FMNL2: variants seen among roughly 807,000 people sequenced by gnomAD.
The protein encoded by FMNL2 is formin like 2.
A neutral mutation model predicts 130.2 loss-of-function variants in FMNL2; 51 were observed. The ratio of observed to expected loss-of-function variants is 0.39; its 90% confidence interval spans 0.31 to 0.49. The LOEUF is 0.49. Among genes scored for constraint, FMNL2 ranks in the 20% least tolerant of loss-of-function variants. The pLI, the probability that FMNL2 is intolerant of heterozygous loss-of-function variation, is 0.85. For synonymous variants in FMNL2, 465 were observed against 467.1 expected, an observed-to-expected ratio of 1.00 and a Z score of 0.06; for missense variants, 977 against 1,316.2, an observed-to-expected ratio of 0.74 and a Z score of 3.99.
At chr2:152,645,286 T>C (rs1383138505) in intron 25 of FMNL2, 1 of 388,244 alleles carries the variant, frequency 2.6e-6, no homozygotes, top group Non-Finnish European at 4.8e-6. Context: ...CCTTATTTGA[T>C]CTAACATTTC....
At chr2:152,477,536 G>A (rs1206965551) in intron 1 of FMNL2, among the ~76,000 whole-genome samples, 5 of 152,152 alleles carry the variant, frequency 3.3e-5, no homozygotes, top group Non-Finnish European at 7.3e-5. Flanking sequence ...CCTGGATGAT[G>A]ACAAATTGGT....
chr2:152,354,024 AG>A lies in FMNL2; in HGVS notation c.117+18305del, dbSNP rs554660619. 6.5e-3 allele frequency among the ~76,000 whole-genome samples: 530 copies of A among 81,624 alleles called. 3 individuals carry two copies. The highest frequency in any genetic ancestry group is 0.034 in the Middle Eastern group (6 of 178). 53.5% of individuals were successfully genotyped at this position (81,624 alleles called of 152,430 possible). Reference sequence around the variant, plus strand: ...TTTCAAAGTTCTGGTCCATGCATGCAGCCCCACTTGGATTTATGTTGACTCT... The same window carrying A: ...TTTCAAAGTTCTGGTCCATGCATGCACCCCACTTGGATTTATGTTGACTCT... On this transcript the variant is annotated intron_variant, in intron 1 of 25. Transcript: ENST00000288670.
At position 152,640,840 on chromosome 2, in the gene FMNL2, T is replaced by C. The variant is rs1683019582; in HGVS notation, c.3095T>C (p.Leu1032Ser). The change falls in exon 25 of 26, where the codon TTA (leucine) becomes TCA (serine). Residue 1032 changes from leucine (L) to serine (S), a missense_variant. Physicochemically the swap from Leu to Ser is moderately radical, Grantham distance 145 (BLOSUM62 -2). Around this residue, in one of 4 missense-constraint regions of FMNL2, gnomAD observed 168 missense variants for 168.8 expected, o/e 1.00. Transcript: ENST00000288670. ...CAGCAGCAAGAGTTAATTGCAGAAT[T>C]AAGAAGACGACAAGTTAAAGATAAC... ...KRQQQELIAE[L>S]RRRQVKDNRH... 1 of 1,613,744 alleles carries C rather than the reference T, an allele frequency of 6.2e-7. No homozygotes were observed. The highest frequency in any genetic ancestry group is 1.1e-5 in the South Asian group (1 of 91,078).
intron 1 of FMNL2, among the ~76,000 whole-genome samples, chr2:152,349,801 C>G (rs146114647): frequency 5.9e-5 from 9 of 152,300 alleles, no homozygotes; most frequent in South Asian, 2.1e-4. Context: ...AGGTGAGATT[C>G]TAGCTCAGTC....
chr2:152,471,560 G>C (rs564995973), intron 1 of FMNL2, among the ~76,000 whole-genome samples: 1 of 152,164 alleles, frequency 6.6e-6, no homozygotes, highest in Admixed American at 6.5e-5. Context: ...GGGGGTGGGC[G>C]TCCGGCGCCT....
Position 152,628,508 on chromosome 2 carries a change from C to T in FMNL2, c.2375C>T (p.Ala792Val). Residue 792 changes from alanine (A) to valine (V), a missense_variant, in exon 18 of 26, where the codon GCT becomes GTT. Transcript: ENST00000288670. ...ATCATGGCCTTCATTGGGAACTTTG[C>T]TGAAAGCATTCAGATGCTGACTCCT... is the stretch of plus-strand genomic sequence containing the variant. ...MTIMAFIGNF[A>V]ESIQMLTPQL... is the part of the protein sequence containing the mutation. The T allele has an allele frequency of 4.3e-6, 7 of 1,614,006 alleles. No individual in the cohort carries two copies. The highest frequency in any genetic ancestry group is 5.1e-6 in the Non-Finnish European group (6 of 1,179,870).
At chr2:152,612,322 C>T (rs1227156848) in intron 11 of FMNL2, among the ~76,000 whole-genome samples, 1 of 152,116 alleles carries the variant, frequency 6.6e-6, no homozygotes, top group Non-Finnish European at 1.5e-5. Context: ...GAGTTCAAGA[C>T]CAGGCTAGGC....
At chr2:152,524,974 G>T (rs1349713081) in intron 2 of FMNL2, among the ~76,000 whole-genome samples, 1 of 152,106 alleles carries the variant, frequency 6.6e-6, no homozygotes, top group Non-Finnish European at 1.5e-5. Context: ...GCTTGTGGAG[G>T]AGCATGTGGA....
At chr2:152,504,928 C>T (rs1187199422) in intron 1 of FMNL2, among the ~76,000 whole-genome samples, 3 of 152,088 alleles carry the variant, frequency 2.0e-5, no homozygotes, top group East Asian at 1.9e-4. Context: ...AAAATACTGA[C>T]GTGTAAGGAA....
In FMNL2 at chr2:152,640,924, A is replaced by T; in HGVS notation, c.3169+10A>T. On this transcript the variant is annotated intron_variant, in intron 25 of 25. Transcript: ENST00000288670. The stretch of plus-strand genomic sequence containing the variant: ...GAAGATATTATCACAGGTAAAAGAT[A>T]TTTCTTCACTGTGGCCCATGGAGAT... 1.9e-6 allele frequency: 3 copies of T among 1,613,276 alleles called. No individual in the cohort carries two copies. The highest frequency in any genetic ancestry group is 4.5e-5 in the East Asian group (2 of 44,860).
intron 15 of FMNL2, 31 bp downstream of exon 15, chr2:152,619,749 C>T: frequency 3.1e-6 from 5 of 1,592,684 alleles, no homozygotes; most frequent in Non-Finnish European, 3.4e-6. Flanking sequence ...CCCAGGTACT[C>T]ATATCAGAAA....
intron 1 of FMNL2, among the ~76,000 whole-genome samples, chr2:152,348,063 A>G (rs1383930526): frequency 2.6e-5 from 4 of 151,838 alleles, no homozygotes; most frequent in Non-Finnish European, 4.4e-5. Flanking sequence ...TACTGAAACT[A>G]TACCAGCCTT....
At chr2:152,503,154 A>G (rs1298439262) in intron 1 of FMNL2, among the ~76,000 whole-genome samples, 1 of 152,214 alleles carries the variant, frequency 6.6e-6, no homozygotes, top group African/African-American at 2.4e-5. Flanking sequence ...CGATAGGCGT[A>G]GGGACCACTG....
intron 1 of FMNL2, among the ~76,000 whole-genome samples, chr2:152,460,332 T>G (rs1027368821): frequency 2.0e-5 from 3 of 152,232 alleles, no homozygotes; most frequent in African/African-American, 7.2e-5. Context: ...AGCCATTATA[T>G]GGTACTGTGT....
intron 1 of FMNL2, among the ~76,000 whole-genome samples, chr2:152,340,819 G>A (rs554608503): frequency 6.6e-6 from 1 of 152,228 alleles, no homozygotes; most frequent in South Asian, 2.1e-4. Flanking sequence ...AGCCTCCTGA[G>A]TAGCTGGGAT....
intron 3 of FMNL2, among the ~76,000 whole-genome samples, chr2:152,545,144 G>A (rs887246917): frequency 1.3e-5 from 2 of 152,174 alleles, no homozygotes; most frequent in Non-Finnish European, 2.9e-5. Context: ...GAGCTGGCAG[G>A]AGGAAATGAT....
intron 6 of FMNL2, among the ~76,000 whole-genome samples, chr2:152,572,533 G>A (rs928780645): frequency 2.0e-5 from 3 of 152,084 alleles, no homozygotes; most frequent in African/African-American, 7.2e-5. Flanking sequence ...GCTTCTGCAG[G>A]GCGCAGTGGC....
intron 2 of FMNL2, among the ~76,000 whole-genome samples, chr2:152,532,494 A>G (rs993535652): frequency 6.6e-6 from 1 of 151,914 alleles, no homozygotes; most frequent in African/African-American, 2.4e-5. Context: ...TTTAATTTGC[A>G]TTTCCCTAAT....
At chr2:152,550,303 GA>G (rs1694866307) in intron 4 of FMNL2, among the ~76,000 whole-genome samples, 1 of 152,232 alleles carries the variant, frequency 6.6e-6, no homozygotes. Flanking sequence ...ACTTGGGTAA[GA>G]ATGTGCATTT....
Sources: gnomAD v4.1 joint callset for allele counts (sites outside exome capture counted in the v4.1 genomes callset) on GRCh38, gnomAD v4.1.1 for gene constraint, gnomAD v4.1.1 regional missense constraint, MANE v1.5 for transcripts, NCBI Gene and HGNC (gene_info 2026-07-23, HGNC 2026-07-21) for gene names.